Variants in CCDC88A observed in about 807,000 individuals in gnomAD.
CCDC88A encodes the protein coiled-coil and HOOK domain protein 88A.
A neutral mutation model predicts 234.3 loss-of-function variants in CCDC88A; 54 were observed. The ratio of observed to expected loss-of-function variants is 0.23; its 90% CI spans 0.19 to 0.29. The LOEUF (loss-of-function observed/expected upper bound fraction) is 0.29. Ranked by LOEUF, CCDC88A falls within the 10% of genes least tolerant of loss-of-function variation. CCDC88A has a pLI of 1.00. For missense variants in CCDC88A, 1,832 were observed against 2,123.4 expected, an observed-to-expected ratio of 0.86 and a Z score of 2.70; for synonymous variants, 753 against 737.8, an observed-to-expected ratio of 1.02 and a Z score of -0.33.
chr2:55,353,154 C>T (rs945442641), intron 8 of CCDC88A, among the ~76,000 whole-genome samples: 3 of 152,168 alleles, frequency 2.0e-5, no homozygotes, highest in African/African-American at 7.2e-5. Flanking sequence ...TTTCATCAAT[C>T]TCCTCAAGTT....
intron 2 of CCDC88A, among the ~76,000 whole-genome samples, chr2:55,410,758 C>G (rs1335174422): frequency 6.6e-6 from 1 of 151,976 alleles, no homozygotes; most frequent in East Asian, 1.9e-4. Context: ...GAAAAATTAG[C>G]TGGGCATGGT....
chr2:55,373,839 T>G (rs1673199621), intron 4 of CCDC88A, among the ~76,000 whole-genome samples: 1 of 152,202 alleles, frequency 6.6e-6, no homozygotes, highest in South Asian at 2.1e-4. Context: ...TTTGTTTGTT[T>G]TGACTGAGAG....
intron 10 of CCDC88A, 85 bp from the exon 11 acceptor site, chr2:55,344,599 A>G: frequency 2.7e-6 from 2 of 749,686 alleles, no homozygotes; most frequent in Non-Finnish European, 4.0e-6. Context: ...ACATTAAGCC[A>G]TCTTTATCAA....
In CCDC88A at chr2:55,317,324, C is replaced by T. The variant is rs763537265; in HGVS notation, c.3628G>A (p.Gly1210Arg). 5.3e-6 allele frequency: 8 copies of T among 1,523,494 alleles called. No individual in the cohort carries two copies. Among genetic ancestry groups the T allele is most frequent in the South Asian group, 1.4e-5 (1 of 71,468 alleles). 94.4% of individuals were successfully genotyped at this position (1,523,494 alleles called of 1,614,324 possible). ...ATTTTTTCCAAATCTTCCAACTGTC[C>T]TTTCTGTTTTAATAACTGATTGTAA... is the stretch of plus-strand genomic sequence containing the variant. ...DRYNQLLKQK[G>R]QLEDLEKMLK... Residue 1210 changes from glycine to arginine, a missense_variant, in exon 21 of 33, where the codon GGA becomes AGA. Around this residue, in one of 6 missense-constraint regions of CCDC88A, gnomAD observed 1,282 missense variants for 1,543.6 expected, o/e 0.83. Coordinates refer to ENST00000436346, the MANE Select transcript of CCDC88A (RefSeq NM_001365480.1). The surrounding 1 kb of genome is among the most constrained non-coding windows in gnomAD (Gnocchi z 4.2).
At chr2:55,351,978 C>T (rs1042818174) in intron 8 of CCDC88A, among the ~76,000 whole-genome samples, 5 of 152,168 alleles carry the variant, frequency 3.3e-5, no homozygotes, top group South Asian at 4.1e-4. Context: ...ACAAAAGGCA[C>T]GTATTGTATG....
intron 15 of CCDC88A, among the ~76,000 whole-genome samples, chr2:55,333,655 T>C (rs550035395): frequency 6.6e-6 from 1 of 152,264 alleles, no homozygotes; most frequent in East Asian, 1.9e-4. Context: ...ATTATGTGCA[T>C]GTATATATGT....
At chr2:55,296,799 CTCATACAAAGCA>C in intron 29 of CCDC88A, 1 of 349,090 alleles carries the variant, frequency 2.9e-6, no homozygotes, top group Non-Finnish European at 5.2e-6. Flanking sequence ...TAAACAGAGC[CTCATACAAAGCA>C]TTCAATATAT....
At position 55,419,098 on chromosome 2, in the gene CCDC88A, G is replaced by T; in HGVS notation, c.-19C>A. On this transcript the variant is annotated 5_prime_UTR_variant, in exon 1 of 33. Transcript: ENST00000436346. ...TCTCCATTTTACAGAGTATGTATTTGAAAAAAGGAACTACCACAAAAATAC... is the reference window on the plus strand; with the variant it reads ...TCTCCATTTTACAGAGTATGTATTTTAAAAAAGGAACTACCACAAAAATAC... 6.5e-7 allele frequency: 1 copy of T among 1,531,144 alleles called. No homozygotes were observed. 94.8% of individuals were successfully genotyped at this position (1,531,144 alleles called of 1,614,324 possible).
intron 2 of CCDC88A, chr2:55,403,800 A>T (rs1679118119): frequency 6.6e-6 from 1 of 152,230 alleles, no homozygotes; most frequent in Non-Finnish European, 1.5e-5. Context: ...CAACCTCATG[A>T]CCAGTAACTG....
At chr2:55,333,338 G>A (rs1028942426) in intron 15 of CCDC88A, among the ~76,000 whole-genome samples, 1 of 152,138 alleles carries the variant, frequency 6.6e-6, no homozygotes, top group Non-Finnish European at 1.5e-5. Flanking sequence ...TATACCTTCT[G>A]ACTTGCATCA....
At chr2:55,387,779 C>CAAAAAAAAAAAAA (rs66479611) in intron 3 of CCDC88A, among the ~76,000 whole-genome samples, 168 of 64,070 alleles carry the variant, frequency 2.6e-3, no homozygotes, top group East Asian at 4.4e-3. Flanking sequence ...GGCTCCATCT[C>CAAAAAAAAAAAAA]AAAAAAAAAA....
chr2:55,379,503 G>A (rs577260463), intron 3 of CCDC88A, among the ~76,000 whole-genome samples: 2 of 152,334 alleles, frequency 1.3e-5, no homozygotes, highest in African/African-American at 4.8e-5. Context: ...TTATCTGCCA[G>A]ACATTCTAGA....
At position 55,334,463 on chromosome 2, in the gene CCDC88A, T is replaced by C. The variant is rs1685260307; in HGVS notation, c.2358A>G (p.Leu786=). 3.1e-5 allele frequency: 49 copies of C among 1,599,892 alleles called. No homozygotes were observed. Among genetic ancestry groups the C allele is most frequent in the Non-Finnish European group, 4.1e-5 (48 of 1,175,700 alleles). ...NKKIQQLESE[L]QDLEMENQTL... ...TTTGATTTTCCATCTCTAAGTCTTGTAGTTCACTCTCTAATTGCTGGATTT... is the reference window on the plus strand; with the variant it reads ...TTTGATTTTCCATCTCTAAGTCTTGCAGTTCACTCTCTAATTGCTGGATTT... The change falls in exon 15 of 33, where the codon CTA becomes CTG. Residue 786 remains leucine, a synonymous_variant. Transcript: ENST00000436346. This position sits in a 1 kb window ranked among gnomAD's most constrained non-coding sequence, Gnocchi z 6.1.
intron 2 of CCDC88A, among the ~76,000 whole-genome samples, chr2:55,415,846 CA>C (rs1245488802): frequency 1.3e-5 from 2 of 152,242 alleles, no homozygotes; most frequent in Non-Finnish European, 2.9e-5. Context: ...TACTGCCTAA[CA>C]AATCTTAAAA....
At chr2:55,306,515 CT>C (rs1681590386) in intron 25 of CCDC88A, among the ~76,000 whole-genome samples, 1 of 151,968 alleles carries the variant, frequency 6.6e-6, no homozygotes, top group Admixed American at 6.6e-5. Context: ...GTGTGTATGA[CT>C]TTTTACGTTG....
intron 13 of CCDC88A, 53 bp downstream of exon 13, chr2:55,339,408 ATTT>A: frequency 7.7e-7 from 1 of 1,300,086 alleles, no homozygotes; most frequent in Admixed American, 2.7e-5. Context: ...TGGGCTATTT[ATTT>A]ACACTTTTAC....
At position 55,355,593 on chromosome 2, in the gene CCDC88A, C is replaced by T. The variant is rs930942160; in HGVS notation, c.786G>A (p.Arg262=). 1.4e-5 allele frequency: 23 copies of T among 1,613,912 alleles called. No individual in the cohort carries two copies. The highest frequency in any genetic ancestry group is 9.3e-5 in the African/African-American group (7 of 74,908). ...CAGCAACTTACAATTCCTGCCTAAGCCTTCTTATCTTGGCTTTAGCATCTG... is the reference window on the plus strand; with the variant it reads ...CAGCAACTTACAATTCCTGCCTAAGTCTTCTTATCTTGGCTTTAGCATCTG... ...ELADAKAKIR[R]LRQELEEKTE... Residue 262 remains arginine (R), a synonymous_variant, in exon 8 of 33, where the codon AGG becomes AGA. Transcript: ENST00000436346.
rs1682102621 is a variant in CCDC88A at position 55,309,808 on chromosome 2, C to T, written c.4080-554G>A. 6.6e-6 allele frequency among the ~76,000 whole-genome samples: 1 copy of T among 152,072 alleles called. No homozygotes were observed. Among genetic ancestry groups the T allele is most frequent in the African/African-American group, 2.4e-5 (1 of 41,398 alleles). ...TAGTGATCATTTACAATGAGGAAGG[C>T]ATGAGGTATATATGAAGATGAATAA... On this transcript the variant is annotated intron_variant, in intron 23 of 32. Coordinates refer to ENST00000436346, the MANE Select transcript of CCDC88A (RefSeq NM_001365480.1). The surrounding 1 kb of genome is among the most constrained non-coding windows in gnomAD (Gnocchi z 5.1).
intron 12 of CCDC88A, among the ~76,000 whole-genome samples, chr2:55,342,998 G>A (rs548192382): frequency 3.5e-4 from 53 of 152,188 alleles, no homozygotes; most frequent in African/African-American, 1.3e-3. Flanking sequence ...ATCCATATTA[G>A]CATATCCAAA....
Sources: allele counts gnomAD v4.1 joint callset (sites outside exome capture counted in the v4.1 genomes callset), GRCh38; gene constraint gnomAD v4.1.1; regional missense constraint gnomAD v4.1.1; non-coding constraint Gnocchi (gnomAD v3.1); transcripts MANE v1.5; gene names NCBI Gene and HGNC (gene_info 2026-07-23, HGNC 2026-07-21).